The following PTGFRN variants were observed in gnomAD, a reference collection of about 807,000 sequenced individuals.
PTGFRN encodes prostaglandin F2 receptor negative regulator.
PTGFRN carries 35 observed loss-of-function variants against 83.2 expected under a neutral mutation model. That is an observed-to-expected ratio of 0.42 (90% CI 0.32 to 0.56). The LOEUF (loss-of-function observed/expected upper bound fraction) is 0.56. PTGFRN is among the 20% of genes least tolerant of loss of function. PTGFRN has a pLI of 0.11. For synonymous variants in PTGFRN, 519 were observed against 498.6 expected (o/e 1.04, Z -0.55); for missense variants, 1,051 against 1,179.5 (o/e 0.89, Z 1.60).
intron 1 of PTGFRN, among the ~76,000 whole-genome samples, chr1:116,931,614 CTTGT>C (rs1649806347): frequency 6.6e-6 from 1 of 151,558 alleles, no homozygotes; most frequent in Admixed American, 6.6e-5. Context: ...CTGTCTATAG[CTTGT>C]TTAATGTGCC....
chr1:116,950,868 G>C (rs561235404), intron 4 of PTGFRN, among the ~76,000 whole-genome samples: 2 of 152,300 alleles, frequency 1.3e-5, no homozygotes, highest in Non-Finnish European at 1.5e-5. Context: ...TATTCCTGCC[G>C]TCTGAACCCC....
In PTGFRN at chr1:116,944,716, G is replaced by A. The variant is rs765172661; in HGVS notation, c.456G>A (p.Arg152=). 22 of 1,412,276 alleles carry A rather than the reference G, an allele frequency of 1.6e-5. No homozygotes were observed. In the South Asian group the frequency reaches 2.4e-4, roughly 15 times the overall value. 87.5% of individuals were successfully genotyped at this position (1,412,276 alleles called of 1,614,324 possible). A position where few individuals can be genotyped will look rare whatever the true frequency, so the allele number is the denominator to read the frequency against. The change falls in exon 3 of 9, where the codon CGG becomes CGA. Residue 152 remains arginine (R), a synonymous_variant. Transcript: ENST00000393203. ...CCCTGCACGTGGGCCCCAGCGCGCG[G>A]CCCCCGCCGAGCCTGAGCCTGCGGG... ...ADSLHVGPSA[R]PPPSLSLREG...
At chr1:116,953,794 C>G (rs974232970) in intron 4 of PTGFRN, among the ~76,000 whole-genome samples, 7 of 151,416 alleles carry the variant, frequency 4.6e-5, no homozygotes, top group Non-Finnish European at 1.0e-4. Context: ...TAGTAATTCA[C>G]TTTTCCTTCT....
chr1:116,962,641 T>TA (rs1229815951), intron 5 of PTGFRN, among the ~76,000 whole-genome samples: 1 of 152,204 alleles, frequency 6.6e-6, no homozygotes, highest in Admixed American at 6.5e-5. Context: ...GTCCTACACT[T>TA]ACATGCTTAT....
chr1:116,979,901 C>T (rs1477380895), intron 7 of PTGFRN, among the ~76,000 whole-genome samples: 5 of 152,188 alleles, frequency 3.3e-5, no homozygotes, highest in African/African-American at 9.7e-5. Context: ...AGCTTCTGCA[C>T]AGCAAAAGAA....
intron 4 of PTGFRN, among the ~76,000 whole-genome samples, chr1:116,950,530 GA>G: frequency 6.6e-6 from 1 of 152,266 alleles, no homozygotes; most frequent in East Asian, 1.9e-4. Flanking sequence ...TAAAGGCCAG[GA>G]AACCATTTCC....
intron 1 of PTGFRN, among the ~76,000 whole-genome samples, chr1:116,916,610 G>A (rs185508930): frequency 6.2e-4 from 94 of 152,238 alleles, no homozygotes; most frequent in Admixed American, 1.7e-3. Context: ...AAAGGCCTGC[G>A]TACCCAGAGA....
At position 116,949,584 on chromosome 1, in the gene PTGFRN, G is replaced by A; in HGVS notation, c.1213+12G>A. 1 of 1,607,106 alleles carries A rather than the reference G, an allele frequency of 6.2e-7. No homozygotes were observed. On this transcript the variant is annotated intron_variant, in intron 4 of 8. Transcript: ENST00000393203. ...TGTGACCTGGCTAGGTGAGTGGTTT[G>A]GAGAATGACTCTTAACCTCTTCAGC...
In PTGFRN at chr1:116,987,010, A is replaced by G. The variant is rs766137257; in HGVS notation, c.*43A>G. 3 of 1,609,050 alleles carry G rather than the reference A, an allele frequency of 1.9e-6. No individual in the cohort carries two copies. Among genetic ancestry groups the G allele is most frequent in the East Asian group, 2.2e-5 (1 of 44,822 alleles). On this transcript the variant is annotated 3_prime_UTR_variant, in exon 9 of 9. Coordinates refer to ENST00000393203, the MANE Select transcript of PTGFRN (RefSeq NM_020440.4). ...GTGACAGAGGGACGTTCTAGGAGCA[A>G]TTGGGGCAAGAAGAGGACAGTGATA...
intron 1 of PTGFRN, among the ~76,000 whole-genome samples, chr1:116,928,022 G>A (rs1459791325): frequency 6.6e-6 from 1 of 152,208 alleles, no homozygotes; most frequent in African/African-American, 2.4e-5. Context: ...GAACTGCCAT[G>A]TAAATGTCAA....
At chr1:116,922,284 T>TC (rs1004992940) in intron 1 of PTGFRN, among the ~76,000 whole-genome samples, 81 of 152,176 alleles carry the variant, frequency 5.3e-4, no homozygotes, top group African/African-American at 1.9e-3. Context: ...TTACTGATGT[T>TC]CCCCCCAGAT....
rs1651078070 is a variant in PTGFRN at position 116,974,216 on chromosome 1, G to A, written c.2060G>A (p.Gly687Asp). The A allele has an allele frequency of 2.5e-6, 4 of 1,595,776 alleles. No individual in the cohort carries two copies. The highest frequency in any genetic ancestry group is 2.6e-6 in the Non-Finnish European group (3 of 1,164,700). ...GAGGCTGGCATTACTTTTTTTCCAG[G>A]TCCTATATTTAATGCTTCTGTGCAT... ...NPIEIDFQTS[G>D]PIFNASVHSD... is the part of the protein sequence containing the mutation. The change falls in exon 7 of 9, where the codon GGT becomes GAT. Residue 687 changes from glycine (G) to aspartate (D), a missense_variant and splice_region_variant. This residue lies in a region of PTGFRN where 719 missense variants were observed against 836.6 expected (regional missense o/e 0.86). Coordinates refer to ENST00000393203, the MANE Select transcript of PTGFRN (RefSeq NM_020440.4).
chr1:116,947,501 A>T (rs1650231470), intron 3 of PTGFRN, among the ~76,000 whole-genome samples: 1 of 152,206 alleles, frequency 6.6e-6, no homozygotes, highest in Admixed American at 6.5e-5. Flanking sequence ...TAGTGATGTG[A>T]CAAGATACTG....
At chr1:116,978,716 C>T (rs1377378964) in intron 7 of PTGFRN, among the ~76,000 whole-genome samples, 7 of 152,226 alleles carry the variant, frequency 4.6e-5, no homozygotes, top group East Asian at 3.9e-4. Context: ...ATTGATGGGA[C>T]GTATCTCAAA....
At chr1:116,911,515 G>T (rs1327414963) in intron 1 of PTGFRN, among the ~76,000 whole-genome samples, 3 of 152,172 alleles carry the variant, frequency 2.0e-5, no homozygotes, top group Non-Finnish European at 4.4e-5. Flanking sequence ...CACCTTGAAG[G>T]GATTTTCTGA....
At chr1:116,924,102 G>A (rs931098544) in intron 1 of PTGFRN, among the ~76,000 whole-genome samples, 5 of 148,596 alleles carry the variant, frequency 3.4e-5, no homozygotes, top group African/African-American at 1.2e-4. Flanking sequence ...CCCTGTACCT[G>A]TTTATATCAC....
At position 116,952,762 on chromosome 1, in the gene PTGFRN, A is replaced by G. The variant is rs138429860; in HGVS notation, c.1213+3190A>G. 3.4e-4 allele frequency among the ~76,000 whole-genome samples: 52 copies of G among 152,346 alleles called. No homozygotes were observed. In the East Asian group the frequency reaches 8.1e-3, roughly 24 times the overall value. Reference sequence around the variant, plus strand: ...TTTTCATTTTGGGGCATTGGAAAAGATAATAGACAGGGCTTTCAACTGTTC... The same window carrying G: ...TTTTCATTTTGGGGCATTGGAAAAGGTAATAGACAGGGCTTTCAACTGTTC... On this transcript the variant is annotated intron_variant, in intron 4 of 8. Transcript: ENST00000393203. This position sits in a 1 kb window ranked among gnomAD's most constrained non-coding sequence, Gnocchi z 4.0.
At chr1:116,985,780 A>C (rs1474814995) in intron 8 of PTGFRN, among the ~76,000 whole-genome samples, 1 of 151,798 alleles carries the variant, frequency 6.6e-6, no homozygotes, top group Non-Finnish European at 1.5e-5. Flanking sequence ...CCAAGATGGG[A>C]GGATGAGCTC....
Position 116,909,973 on chromosome 1 carries a change from C to T in PTGFRN, c.-231C>T. On this transcript the variant is annotated 5_prime_UTR_variant, in exon 1 of 9. Transcript: ENST00000393203. ...ACACTCGGATCGGCGGGGCCGGCTC[C>T]CGGGCCCGGCCGGCTGGAGGAGGGA... 1 of 572,246 alleles carries T rather than the reference C, an allele frequency of 1.7e-6. No homozygotes were observed. The highest frequency in any genetic ancestry group is 3.5e-5 in the East Asian group (1 of 28,898). The allele number at this position is 572,246 out of a possible 1,614,324, so 35.4% of individuals were successfully genotyped here.
Sources: gnomAD v4.1 joint callset for allele counts (sites outside exome capture counted in the v4.1 genomes callset) on GRCh38, gnomAD v4.1.1 for gene constraint, gnomAD v4.1.1 regional missense constraint, Gnocchi (gnomAD v3.1) non-coding constraint, MANE v1.5 for transcripts, NCBI Gene and HGNC (gene_info 2026-07-23, HGNC 2026-07-21) for gene names.